Variants in KIF4A observed in about 807,000 individuals in gnomAD.
The protein encoded by KIF4A is kinesin family member 4A.
In KIF4A, 7 loss-of-function variants were observed where a neutral mutation model predicts 105.9. The ratio of observed to expected loss-of-function variants is 0.07; its 90% CI spans 0.04 to 0.12. The LOEUF (loss-of-function observed/expected upper bound fraction) is 0.12. Among genes scored for constraint, KIF4A ranks in the 10% least tolerant of loss-of-function variants. The pLI is 1.00. For missense variants in KIF4A, 558 were observed against 929.2 expected (o/e 0.60, Z 5.19); for synonymous variants, 281 against 331.3 (o/e 0.85, Z 1.65).
At chrX:70,365,520 G>A (rs1456727366) in intron 15 of KIF4A, among the ~76,000 whole-genome samples, 1 of 111,945 alleles carries the variant, frequency 8.9e-6, no homozygotes, top group Non-Finnish European at 1.9e-5. Flanking sequence ...TTTGTCATTG[G>A]TTCTGTTTAT....
Position 70,406,371 on chromosome X carries a change from C to T in KIF4A, c.3072+17C>T. The T allele has an allele frequency of 8.8e-7, 1 of 1,140,356 alleles. No individual in the cohort carries two copies. The highest frequency in any genetic ancestry group is 1.8e-5 in the African/African-American group (1 of 56,514). The allele number at this position is 1,140,356 out of a possible 1,213,427, so 94.0% of individuals were successfully genotyped here. A position where few individuals can be genotyped will look rare whatever the true frequency, so the allele number is the denominator to read the frequency against. On this transcript the variant is annotated intron_variant, in intron 27 of 30. Coordinates refer to ENST00000374403, the MANE Select transcript of KIF4A (RefSeq NM_012310.5). ...CCACCTAAGGTAAAATGATCAGTGCCTGTGATACCTTTGCACAGCTTAGGT... is the reference window on the plus strand; with the variant it reads ...CCACCTAAGGTAAAATGATCAGTGCTTGTGATACCTTTGCACAGCTTAGGT...
intron 22 of KIF4A, 130 bp from the exon 23 acceptor site, chrX:70,402,436 A>T: frequency 1.2e-6 from 1 of 812,833 alleles, no homozygotes; most frequent in Non-Finnish European, 1.7e-6. Context: ...CAGATGACTT[A>T]AACATTATTT....
intron 17 of KIF4A, among the ~76,000 whole-genome samples, chrX:70,375,882 T>C (rs2086173072): frequency 8.9e-6 from 1 of 111,774 alleles, no homozygotes; most frequent in African/African-American, 3.3e-5. Flanking sequence ...TACATTTTTA[T>C]TTAATTTCTT....
At chrX:70,386,551 C>A in intron 18 of KIF4A, 67 bp from the exon 19 acceptor site, 1 of 816,718 alleles carries the variant, frequency 1.2e-6, no homozygotes, top group Non-Finnish European at 1.9e-6. Context: ...TTGAGAGACA[C>A]CTTATAGTAT....
intron 3 of KIF4A, among the ~76,000 whole-genome samples, chrX:70,292,650 A>G (rs909153420): frequency 5.4e-5 from 6 of 111,943 alleles, no homozygotes; most frequent in African/African-American, 1.6e-4. Context: ...TACATACAGT[A>G]TTTGGAAAAC....
intron 3 of KIF4A, among the ~76,000 whole-genome samples, chrX:70,294,813 T>G (rs1482787219): frequency 8.9e-6 from 1 of 112,957 alleles, no homozygotes; most frequent in Non-Finnish European, 1.9e-5. Context: ...CGCTCAAGCC[T>G]GTAATCTCAG....
chrX:70,371,986 C>T (rs752431662), intron 15 of KIF4A, among the ~76,000 whole-genome samples: 63 of 105,830 alleles, frequency 6.0e-4, no homozygotes, highest in African/African-American at 2.1e-3. Flanking sequence ...CGGGTAGAGG[C>T]GCTCCTCACA....
chrX:70,372,185 C>G (rs758477665), intron 15 of KIF4A, among the ~76,000 whole-genome samples: 89 of 109,081 alleles, frequency 8.2e-4, no homozygotes, highest in African/African-American at 2.9e-3. Flanking sequence ...AGGGGCTCCT[C>G]ACGTCCCAGA....
Position 70,416,782 on chromosome X carries a change from A to G in KIF4A, c.3256-1106A>G, listed in dbSNP as rs760774690. ...TTGAATTGTGATTCTTTTATCTTAC[A>G]TATTACTAATCCTTCCAGCTTTCTG... On this transcript the variant is annotated intron_variant, in intron 28 of 30. Transcript: ENST00000374403. 2.7e-5 allele frequency among the ~76,000 whole-genome samples: 3 copies of G among 112,862 alleles called. No individual in the cohort carries two copies. In the South Asian group the frequency reaches 1.1e-3, roughly 41 times the overall value.
At chrX:70,375,991 C>A in intron 17 of KIF4A, 109 bp from the exon 18 acceptor site, 1 of 482,921 alleles carries the variant, frequency 2.1e-6, no homozygotes. Flanking sequence ...GACTGCTTTC[C>A]CAGCCTAGTT....
intron 14 of KIF4A, 27 bp from the exon 15 acceptor site, chrX:70,353,595 T>G: frequency 8.5e-7 from 1 of 1,181,744 alleles, no homozygotes; most frequent in Non-Finnish European, 1.1e-6. Flanking sequence ...GTTTCTCTTA[T>G]AAATCATTAT....
chrX:70,405,969 T>G, intron 26 of KIF4A, 64 bp downstream of exon 26: 3 of 902,952 alleles, frequency 3.3e-6, no homozygotes, highest in Non-Finnish European at 4.9e-6. Context: ...AGGCCAGCTC[T>G]TGGGACCAAC....
chrX:70,339,567 T>G (rs1038050527), intron 10 of KIF4A, among the ~76,000 whole-genome samples: 1 of 112,899 alleles, frequency 8.9e-6, no homozygotes. Context: ...ACAATTAAAC[T>G]TAATTGTTCA....
chrX:70,332,594 G>C (rs1226455719), intron 9 of KIF4A, among the ~76,000 whole-genome samples: 1 of 111,704 alleles, frequency 9.0e-6, no homozygotes, highest in East Asian at 2.8e-4. Flanking sequence ...TAGGAAGTGG[G>C]GTTGGGGAGG....
At chrX:70,417,132 A>C (rs758748580) in intron 28 of KIF4A, among the ~76,000 whole-genome samples, 2 of 112,947 alleles carry the variant, frequency 1.8e-5, no homozygotes, top group Non-Finnish European at 3.7e-5. Context: ...TAAAGTTGTC[A>C]TAAGAGTCTT....
Position 70,343,831 on chromosome X carries a change from T to C in KIF4A, c.1326-46T>C, listed in dbSNP as rs758487847. On this transcript the variant is annotated intron_variant, in intron 12 of 30. Transcript: ENST00000374403. ...GTATATAATCGTGGAGCCTCTGGCC[T>C]TTGTCATATGAATAACCCTTGGGTT... The C allele has an allele frequency of 3.4e-6, 4 of 1,188,952 alleles. No individual in the cohort carries two copies. The East Asian group carries it at 1.2e-4, about 35-fold the overall frequency.
At chrX:70,355,859 G>A (rs1223190917) in intron 15 of KIF4A, among the ~76,000 whole-genome samples, 1 of 111,665 alleles carries the variant, frequency 9.0e-6, no homozygotes, top group Non-Finnish European at 1.9e-5. Flanking sequence ...GCTCTCATAC[G>A]TTTTCAGAGT....
chrX:70,341,093 G>T (rs888730304), intron 10 of KIF4A, among the ~76,000 whole-genome samples: 1 of 111,175 alleles, frequency 9.0e-6, no homozygotes, highest in Non-Finnish European at 1.9e-5. Context: ...CCTCGTATTT[G>T]AAATGGACAC....
rs35473790 is a variant in KIF4A, at chrX:70,376,131, G to A, written c.1955G>A (p.Arg652His). The A allele has an allele frequency of 5.1e-5, 61 of 1,205,628 alleles. 1 individual carries two copies. The African/African-American group carries it at 8.7e-4, about 17-fold the overall frequency. ...MMKNQRVQLMRQMKEDAEKFR... is the reference protein window; with the variant it reads ...MMKNQRVQLMHQMKEDAEKFR... Reference sequence around the variant, plus strand: ...AAAAACCAGCGGGTACAGTTAATGCGTCAAATGAAAGAAGATGCTGAGAAG... The same window carrying A: ...AAAAACCAGCGGGTACAGTTAATGCATCAAATGAAAGAAGATGCTGAGAAG... Residue 652 changes from arginine to histidine, a missense_variant, in exon 18 of 31, where the codon CGT becomes CAT. Physicochemically the swap from Arg to His is conservative, Grantham distance 29 (BLOSUM62 0). Coordinates refer to ENST00000374403, the MANE Select transcript of KIF4A (RefSeq NM_012310.5).
Sources: gnomAD v4.1 joint callset for allele counts (sites outside exome capture counted in the v4.1 genomes callset) on GRCh38, gnomAD v4.1.1 for gene constraint, MANE v1.5 for transcripts, NCBI Gene and HGNC (gene_info 2026-07-23, HGNC 2026-07-21) for gene names.